Variants in GPC6 observed in about 807,000 individuals in gnomAD.
GPC6 encodes the protein glypican 6.
A neutral mutation model predicts 55.2 loss-of-function variants in GPC6; 14 were observed. The observed-to-expected ratio is 0.25, with a 90% CI of 0.17 to 0.40. The LOEUF (loss-of-function observed/expected upper bound fraction) is 0.40. Ranked by LOEUF, GPC6 falls within the 10% of genes least tolerant of loss-of-function variation. The pLI is 1.00. For missense variants in GPC6, 641 were observed against 708.5 expected, an observed-to-expected ratio of 0.90 and a Z score of 1.08; for synonymous variants, 278 against 259.6, an observed-to-expected ratio of 1.07 and a Z score of -0.68.
intron 2 of GPC6, among the ~76,000 whole-genome samples, chr13:93,757,473 A>G (rs1189026775): frequency 6.6e-6 from 1 of 152,154 alleles, no homozygotes; most frequent in Non-Finnish European, 1.5e-5. Flanking sequence ...GTTTTCTGTT[A>G]CTGAGATCTA....
At chr13:93,788,501 G>C (rs764110408) in intron 2 of GPC6, among the ~76,000 whole-genome samples, 14 of 134,688 alleles carry the variant, frequency 1.0e-4, no homozygotes, top group Non-Finnish European at 2.0e-4. Flanking sequence ...GCCCTATTCT[G>C]TTCATTGTTC....
chr13:93,960,779 A>T (rs1879731050), intron 3 of GPC6, among the ~76,000 whole-genome samples: 1 of 151,616 alleles, frequency 6.6e-6, no homozygotes, highest in Non-Finnish European at 1.5e-5. Context: ...ATGCAGAAAA[A>T]TATAACCAGT....
chr13:93,406,504 T>C (rs907248298), intron 1 of GPC6, among the ~76,000 whole-genome samples: 1 of 152,216 alleles, frequency 6.6e-6, no homozygotes, highest in African/African-American at 2.4e-5. Context: ...ATTAGAAAAG[T>C]AATTTACTTC....
chr13:94,402,155 A>G, intron 8 of GPC6, among the ~76,000 whole-genome samples: 1 of 152,198 alleles, frequency 6.6e-6, no homozygotes, highest in East Asian at 1.9e-4. Context: ...AAGGTGGACA[A>G]AAGTCATATT....
intron 2 of GPC6, among the ~76,000 whole-genome samples, chr13:93,826,539 G>C (rs1261075655): frequency 6.6e-6 from 1 of 152,112 alleles, no homozygotes; most frequent in Non-Finnish European, 1.5e-5. Flanking sequence ...AATAGGAAAA[G>C]GATGTTATAT....
At chr13:94,313,542 G>T (rs1407453436) in intron 6 of GPC6, among the ~76,000 whole-genome samples, 2 of 152,212 alleles carry the variant, frequency 1.3e-5, no homozygotes, top group African/African-American at 4.8e-5. Context: ...GGAGAAGGAA[G>T]AGTACACTCA....
At chr13:93,217,844 A>G in the GPC6 span, among the ~76,000 whole-genome samples, 193 of 152,290 alleles carry the variant, frequency 1.3e-3, 2 homozygotes, top group African/African-American at 4.5e-3. Flanking sequence ...GTCCTCCTGT[A>G]CAGTAAAGAC....
At chr13:94,316,006 A>T (rs1404090306) in intron 6 of GPC6, among the ~76,000 whole-genome samples, 2 of 152,166 alleles carry the variant, frequency 1.3e-5, no homozygotes, top group Non-Finnish European at 2.9e-5. Flanking sequence ...GTCCCAAGAC[A>T]ATTCCTCTTC....
intron 4 of GPC6, among the ~76,000 whole-genome samples, chr13:94,233,735 G>A (rs1367063147): frequency 6.6e-6 from 1 of 152,052 alleles, no homozygotes; most frequent in East Asian, 1.9e-4. Context: ...ATGACCCAAA[G>A]GTACAAGAGG....
At chr13:94,255,255 C>T (rs1201727746) in intron 4 of GPC6, among the ~76,000 whole-genome samples, 1 of 152,274 alleles carries the variant, frequency 6.6e-6, no homozygotes, top group Non-Finnish European at 1.5e-5. Flanking sequence ...ATAATCAAAG[C>T]TCATGTCTGT....
intron 2 of GPC6, among the ~76,000 whole-genome samples, chr13:93,696,613 A>AT (rs1306638516): frequency 8.1e-5 from 10 of 123,992 alleles, no homozygotes; most frequent in South Asian, 2.7e-4. Flanking sequence ...TACCTCCATA[A>AT]ATTTTTTTTT....
chr13:93,231,409 A>ATATATATATATACG (rs1876050054), intron 1 of GPC6, among the ~76,000 whole-genome samples: 1 of 36,854 alleles, frequency 2.7e-5, no homozygotes, highest in Non-Finnish European at 5.0e-5. Context: ...ATATATATAT[A>ATATATATATATACG]TATATATATA....
At chr13:93,456,169 TA>T (rs1878445648) in intron 1 of GPC6, among the ~76,000 whole-genome samples, 1 of 150,738 alleles carries the variant, frequency 6.6e-6, no homozygotes, top group African/African-American at 2.4e-5. Context: ...TATGAACCCT[TA>T]ATCATTCATT....
intron 1 of GPC6, among the ~76,000 whole-genome samples, chr13:93,359,032 G>T (rs1880954247): frequency 6.9e-6 from 1 of 145,498 alleles, no homozygotes; most frequent in South Asian, 2.2e-4. Context: ...GCAGTGGTGT[G>T]ATCACGGCTC....
At chr13:94,395,711 G>C (rs1335837447) in intron 7 of GPC6, among the ~76,000 whole-genome samples, 1 of 152,200 alleles carries the variant, frequency 6.6e-6, no homozygotes, top group African/African-American at 2.4e-5. Context: ...ATGTAGATAG[G>C]AATAATAAAA....
intron 3 of GPC6, among the ~76,000 whole-genome samples, chr13:93,972,645 T>C (rs1203131741): frequency 1.4e-4 from 21 of 152,178 alleles, no homozygotes; most frequent in Admixed American, 1.4e-3. Context: ...TGAAGGCCTA[T>C]GTTTAGAAAA....
chr13:93,481,843 G>A (rs1333849859), intron 1 of GPC6, among the ~76,000 whole-genome samples: 2 of 152,128 alleles, frequency 1.3e-5, no homozygotes, highest in Non-Finnish European at 2.9e-5. Flanking sequence ...ACTTGAAATT[G>A]AGGAGTGAGT....
rs1594246164 is a variant in GPC6 at position 94,403,708 on chromosome 13, G to C, written c.*491G>C. On this transcript the variant is annotated 3_prime_UTR_variant, in exon 9 of 9. Coordinates refer to ENST00000377047, the MANE Select transcript of GPC6 (RefSeq NM_005708.5). The stretch of plus-strand genomic sequence containing the variant: ...CATTGACAGCCAACTTCCAGTGTAA[G>C]CTTTTTTGTGACAAATCCGGGTTTA... The C allele has an allele frequency of 5.1e-6, 1 of 194,662 alleles. No individual in the cohort carries two copies. Among genetic ancestry groups the C allele is most frequent in the African/African-American group, 2.4e-5 (1 of 42,052 alleles). 12.1% of individuals were successfully genotyped at this position (194,662 alleles called of 1,614,324 possible).
At chr13:94,042,730 A>G (rs555457141) in intron 4 of GPC6, among the ~76,000 whole-genome samples, 12 of 152,024 alleles carry the variant, frequency 7.9e-5, no homozygotes, top group African/African-American at 2.9e-4. Flanking sequence ...TTTGAAGTCT[A>G]TGCTAATATC....
Sources: gnomAD v4.1 joint callset for allele counts (sites outside exome capture counted in the v4.1 genomes callset) on GRCh38, gnomAD v4.1.1 for gene constraint, MANE v1.5 for transcripts, NCBI Gene and HGNC (gene_info 2026-07-23, HGNC 2026-07-21) for gene names.